EHMT1: variants seen among roughly 807,000 people sequenced by gnomAD.
EHMT1 encodes euchromatic histone lysine methyltransferase 1.
A neutral mutation model predicts 147.2 loss-of-function variants in EHMT1; 15 were observed. That is an observed-to-expected ratio of 0.10 (90% CI 0.07 to 0.16). The LOEUF (loss-of-function observed/expected upper bound fraction) is 0.16. Ranked by LOEUF, EHMT1 falls within the 10% of genes least tolerant of loss-of-function variation. The pLI, the probability that EHMT1 is intolerant of heterozygous loss-of-function variation, is 1.00. For synonymous variants in EHMT1, 795 were observed against 709.6 expected (o/e 1.12, Z -1.91); for missense variants, 1,587 against 1,772.4 (o/e 0.90, Z 1.88).
intron 16 of EHMT1, among the ~76,000 whole-genome samples, chr9:137,798,595 G>C (rs993739510): frequency 6.6e-6 from 1 of 152,168 alleles, no homozygotes; most frequent in African/African-American, 2.4e-5. Flanking sequence ...TGTCTTCACT[G>C]TGCCAGGCGA....
intron 3 of EHMT1, among the ~76,000 whole-genome samples, chr9:137,724,821 C>T (rs557431942): frequency 7.1e-4 from 108 of 151,934 alleles, no homozygotes; most frequent in African/African-American, 1.9e-3. Context: ...GTGTGGCATT[C>T]GTGTGGTAGA....
intron 1 of EHMT1, among the ~76,000 whole-genome samples, chr9:137,701,274 CTT>C (rs562357453): frequency 6.9e-6 from 1 of 145,786 alleles, no homozygotes; most frequent in Non-Finnish European, 1.5e-5. Flanking sequence ...TTTCACATTT[CTT>C]TTTTTTTTTT....
intron 6 of EHMT1, among the ~76,000 whole-genome samples, chr9:137,752,124 C>G (rs1364863534): frequency 1.3e-5 from 2 of 152,224 alleles, no homozygotes; most frequent in African/African-American, 4.8e-5. Flanking sequence ...GAGTGTGTCT[C>G]TGGCCCTGCC....
At chr9:137,715,932 G>A (rs1179182824) in intron 2 of EHMT1, 2 of 837,788 alleles carry the variant, frequency 2.4e-6, no homozygotes, top group African/African-American at 3.7e-5. Flanking sequence ...TGTTTAATAT[G>A]TTTGAACTGA....
chr9:137,693,164 G>C (rs939742873), intron 1 of EHMT1, among the ~76,000 whole-genome samples: 8 of 152,200 alleles, frequency 5.3e-5, no homozygotes, highest in Non-Finnish European at 7.3e-5. Context: ...GAGCCACAGC[G>C]TGGAGTTGGA....
intron 2 of EHMT1, among the ~76,000 whole-genome samples, chr9:137,713,516 C>G (rs1037745992): frequency 6.6e-6 from 1 of 151,728 alleles, no homozygotes; most frequent in Non-Finnish European, 1.5e-5. Context: ...CATGATCCAC[C>G]CGCCTTGGCC....
At chr9:137,623,584 C>G (rs747452224) in intron 1 of EHMT1, among the ~76,000 whole-genome samples, 3 of 151,926 alleles carry the variant, frequency 2.0e-5, no homozygotes, top group Admixed American at 1.3e-4. Flanking sequence ...CTGTGCCTGG[C>G]TAATTTTTGT....
chr9:137,727,379 T>C (rs139899608), intron 3 of EHMT1, among the ~76,000 whole-genome samples: 3,383 of 152,332 alleles, frequency 0.022, 63 homozygotes, highest in Non-Finnish European at 0.034. Flanking sequence ...CCAGATCCAA[T>C]GTTGGGAAGC....
chr9:137,800,658 G>A lies in EHMT1; in HGVS notation c.2608-222G>A, dbSNP rs558507740. 3 of 587,312 alleles carry A rather than the reference G, an allele frequency of 5.1e-6. No individual in the cohort carries two copies. The African/African-American group carries it at 5.6e-5, about 11-fold the overall frequency. 36.4% of individuals were successfully genotyped at this position (587,312 alleles called of 1,614,324 possible). ...ATGTCGGGCAGGGTTGTTGGGCCTG[G>A]GCCAGTCCTGGTTCTGCCTTCATCC... On this transcript the variant is annotated intron_variant, in intron 17 of 26. Transcript: ENST00000460843.
At chr9:137,668,084 T>C (rs11137173) in intron 1 of EHMT1, among the ~76,000 whole-genome samples, 27,607 of 151,932 alleles carry the variant, frequency 0.18, 2,743 homozygotes, top group Admixed American at 0.31. Context: ...CTTTCGACCT[T>C]GGAGAAGAGG....
chr9:137,822,760 G>A (rs991794657), intron 25 of EHMT1, among the ~76,000 whole-genome samples: 1 of 152,054 alleles, frequency 6.6e-6, no homozygotes, highest in Non-Finnish European at 1.5e-5. Context: ...GGGTGTGGTG[G>A]CGCATGCCTG....
chr9:137,818,182 T>G, intron 25 of EHMT1, 44 bp downstream of exon 25: 1 of 1,596,142 alleles, frequency 6.3e-7, no homozygotes, highest in Non-Finnish European at 8.6e-7. Flanking sequence ...ACTTGTGAAC[T>G]GTAAAACCTG....
At chr9:137,721,894 C>T (rs748736931) in intron 3 of EHMT1, among the ~76,000 whole-genome samples, 9 of 152,014 alleles carry the variant, frequency 5.9e-5, no homozygotes, top group Non-Finnish European at 2.9e-5. Flanking sequence ...TGATGAAGTC[C>T]GGTTTATCAG....
chr9:137,674,485 C>T (rs1355372217), intron 1 of EHMT1, among the ~76,000 whole-genome samples: 1 of 152,196 alleles, frequency 6.6e-6, no homozygotes. Context: ...CCCTGACTCT[C>T]GGCTCCAGCG....
chr9:137,670,993 C>A (rs1006732734), intron 1 of EHMT1, among the ~76,000 whole-genome samples: 4 of 152,160 alleles, frequency 2.6e-5, no homozygotes, highest in African/African-American at 9.7e-5. Flanking sequence ...TTGTGTGACT[C>A]TTGTTCCAGG....
At chr9:137,779,247 G>A (rs79353591) in intron 13 of EHMT1, among the ~76,000 whole-genome samples, 5,051 of 152,356 alleles carry the variant, frequency 0.033, 112 homozygotes, top group South Asian at 0.061. Context: ...GCCCTCACTC[G>A]TGACCACGCT....
rs75534468 is a variant in EHMT1, at chr9:137,677,819, G to A, written c.22-33148G>A. Among the ~76,000 whole-genome samples, 128 of 152,150 alleles carry A rather than the reference G, an allele frequency of 8.4e-4. 3 individuals are homozygous for A. Among genetic ancestry groups the A allele is most frequent in the East Asian group, 7.5e-3 (39 of 5,168 alleles). On this transcript the variant is annotated intron_variant, in intron 1 of 26. Transcript: ENST00000460843. ...CACGCCTGTAATCCCAGCACTTTGG[G>A]AGGCGGAGGCGGGCGGATCACGAAG...
intron 1 of EHMT1, among the ~76,000 whole-genome samples, chr9:137,647,896 C>T (rs1200649915): frequency 1.3e-5 from 2 of 152,134 alleles, no homozygotes; most frequent in Non-Finnish European, 2.9e-5. Context: ...CGCGCCCGGC[C>T]GCATCTGTGG....
In EHMT1 at chr9:137,813,326, G is replaced by A. The variant is rs996218098; in HGVS notation, c.3036-60G>A. On this transcript the variant is annotated intron_variant, in intron 20 of 26. Transcript: ENST00000460843. This position sits in a 1 kb window ranked among gnomAD's most constrained non-coding sequence, Gnocchi z 4.9. The stretch of plus-strand genomic sequence containing the variant: ...TTTGCCAGCCGCCCCACTGCACGCT[G>A]TGCCACCCCCTGGGCAGAGCACGTC... 5 of 1,579,670 alleles carry A rather than the reference G, an allele frequency of 3.2e-6. No individual in the cohort carries two copies. Among genetic ancestry groups the A allele is most frequent in the Admixed American group, 3.6e-5 (2 of 55,960 alleles).
Sources: gnomAD v4.1 joint callset for allele counts (sites outside exome capture counted in the v4.1 genomes callset) on GRCh38, gnomAD v4.1.1 for gene constraint, Gnocchi (gnomAD v3.1) non-coding constraint, MANE v1.5 for transcripts, NCBI Gene and HGNC (gene_info 2026-07-23, HGNC 2026-07-21) for gene names.